PRKCB: variants seen among roughly 807,000 people sequenced by gnomAD.
PRKCB encodes protein kinase C beta, also known as protein kinase C beta type.
A neutral mutation model predicts 81.5 loss-of-function variants in PRKCB; 13 were observed. That is an observed-to-expected ratio of 0.16 (90% confidence interval 0.10 to 0.25). PRKCB has a LOEUF of 0.25. Among genes scored for constraint, PRKCB ranks in the 10% least tolerant of loss-of-function variants. The pLI, the probability that PRKCB is intolerant of heterozygous loss-of-function variation, is 1.00. For missense variants in PRKCB, 509 were observed against 875.7 expected (o/e 0.58, Z 5.29); for synonymous variants, 335 against 321.4 (o/e 1.04, Z -0.45).
chr16:23,933,062 C>T (rs1331945374), intron 2 of PRKCB, among the ~76,000 whole-genome samples: 1 of 152,156 alleles, frequency 6.6e-6, no homozygotes, highest in East Asian at 1.9e-4. Flanking sequence ...ATGGCGATTC[C>T]TTCTTTGTTT....
intron 9 of PRKCB, among the ~76,000 whole-genome samples, chr16:24,153,675 C>T (rs999344694): frequency 3.9e-5 from 6 of 152,102 alleles, no homozygotes; most frequent in Non-Finnish European, 7.4e-5. Flanking sequence ...GGGGGTGACA[C>T]GCAGAAAATA....
chr16:23,865,268 TG>T (rs1417228103), intron 2 of PRKCB, among the ~76,000 whole-genome samples: 55 of 700 alleles, frequency 0.079, 1 homozygote, highest in Non-Finnish European at 0.029. Flanking sequence ...GTTTTGTTTG[TG>T]TGTGTGTGTG....
At chr16:24,155,192 A>G (rs1002670558) in intron 10 of PRKCB, among the ~76,000 whole-genome samples, 3 of 152,200 alleles carry the variant, frequency 2.0e-5, no homozygotes, top group Admixed American at 2.0e-4. Flanking sequence ...GGTTCCATTC[A>G]GCCCTCTAGA....
Position 24,216,683 on chromosome 16 carries a change from C to G in PRKCB, c.*1867C>G. On this transcript the variant is annotated 3_prime_UTR_variant, in exon 17 of 17. Coordinates refer to ENST00000643927, the MANE Select transcript of PRKCB (RefSeq NM_002738.7). ...CTTGCTTCAGGCTTGGGGACCGTCC[C>G]TGCTGTCCCCACTGTGGTGGCAATC... 1.0e-6 allele frequency: 1 copy of G among 985,474 alleles called. No homozygotes were observed. Among genetic ancestry groups the G allele is most frequent in the Non-Finnish European group, 1.2e-6 (1 of 829,954 alleles). The allele number at this position is 985,474 out of a possible 1,614,324, so 61.0% of individuals were successfully genotyped here.
Position 24,218,861 on chromosome 16 carries a change from T to C in PRKCB, c.*4045T>C, listed in dbSNP as rs376874115. On this transcript the variant is annotated 3_prime_UTR_variant, in exon 17 of 17. Coordinates refer to ENST00000643927, the MANE Select transcript of PRKCB (RefSeq NM_002738.7). ...TTGTAATAAAACAGCCATGGGGTTG[T>C]CCCTCCAGTCCGAGAGACTGTGATG... 8.1e-6 allele frequency: 8 copies of C among 985,384 alleles called. No individual in the cohort carries two copies. In the East Asian group the frequency reaches 5.7e-4, roughly 70 times the overall value. 61.0% of individuals were successfully genotyped at this position (985,384 alleles called of 1,614,324 possible). A position where few individuals can be genotyped will look rare whatever the true frequency, so the allele number is the denominator to read the frequency against.
chr16:23,923,700 G>A lies in PRKCB; in HGVS notation c.206-64808G>A, dbSNP rs767919554. The stretch of plus-strand genomic sequence containing the variant: ...ATGCTACCCCCAAAATGGTGTGTTT[G>A]TGCAGCTCTAATAATGACAGGGTTT... On this transcript the variant is annotated intron_variant, in intron 2 of 16. Coordinates refer to ENST00000643927, the MANE Select transcript of PRKCB (RefSeq NM_002738.7). 2.6e-4 allele frequency among the ~76,000 whole-genome samples: 40 copies of A among 152,048 alleles called. 2 individuals are homozygous for A. Among genetic ancestry groups the A allele is most frequent in the Non-Finnish European group, 4.7e-4 (32 of 67,972 alleles).
intron 4 of PRKCB, 76 bp downstream of exon 4, chr16:24,032,323 G>C: frequency 9.6e-7 from 1 of 1,041,946 alleles, no homozygotes. Flanking sequence ...TTGGTTTGGG[G>C]TCCAGGTCTG....
intron 2 of PRKCB, among the ~76,000 whole-genome samples, chr16:23,870,729 T>G (rs980460228): frequency 6.6e-6 from 1 of 152,240 alleles, no homozygotes; most frequent in African/African-American, 2.4e-5. Context: ...GCAAGCTGTT[T>G]CTGACTGTGT....
chr16:24,130,653 C>A (rs1378664209), intron 9 of PRKCB, among the ~76,000 whole-genome samples: 1 of 152,170 alleles, frequency 6.6e-6, no homozygotes, highest in African/African-American at 2.4e-5. Context: ...TGGCCACACC[C>A]ACTCTCTCCA....
intron 16 of PRKCB, among the ~76,000 whole-genome samples, chr16:24,204,410 A>C (rs1178474824): frequency 6.6e-6 from 1 of 152,144 alleles, no homozygotes; most frequent in African/African-American, 2.4e-5. Flanking sequence ...TTGACCCTAT[A>C]TGACCCTGAA....
intron 2 of PRKCB, among the ~76,000 whole-genome samples, chr16:23,905,183 CTG>C (rs1287306221): frequency 5.3e-5 from 8 of 152,080 alleles, no homozygotes; most frequent in African/African-American, 1.2e-4. Context: ...CAGGCTGACT[CTG>C]TGAGCTGAGC....
At chr16:24,175,971 C>CAAA (rs34578906) in intron 12 of PRKCB, among the ~76,000 whole-genome samples, 6 of 49,826 alleles carry the variant, frequency 1.2e-4, no homozygotes, top group African/African-American at 1.5e-4. Flanking sequence ...GACCCTGTCT[C>CAAA]AAAAAAAAAA....
At chr16:24,140,416 A>G (rs388119) in intron 9 of PRKCB, among the ~76,000 whole-genome samples, 48,169 of 151,968 alleles carry the variant, frequency 0.32, 7,870 homozygotes, top group South Asian at 0.46. Context: ...CGATTTCTCA[A>G]GAGGGGAATT....
intron 7 of PRKCB, among the ~76,000 whole-genome samples, chr16:24,102,813 CTTTGACT>C (rs1233422690): frequency 6.6e-6 from 1 of 152,122 alleles, no homozygotes; most frequent in South Asian, 2.1e-4. Flanking sequence ...TTGTGTTTGG[CTTTGACT>C]TTCAGTTGAA....
In PRKCB at chr16:23,920,188, A is replaced by G. The variant is rs367557414; in HGVS notation, c.206-68320A>G. On this transcript the variant is annotated intron_variant, in intron 2 of 16. Transcript: ENST00000643927. ...TCTTTTTCTTTTTTTGATAGTAGCC[A>G]TTTAATGGGTATGAGGTGGTATCTC... Among the ~76,000 whole-genome samples, 7 of 152,294 alleles carry G rather than the reference A, an allele frequency of 4.6e-5. No individual in the cohort carries two copies. In the South Asian group the frequency reaches 6.2e-4, roughly 14 times the overall value.
At chr16:24,046,614 C>G (rs1441737414) in intron 5 of PRKCB, among the ~76,000 whole-genome samples, 1 of 151,912 alleles carries the variant, frequency 6.6e-6, no homozygotes, top group Non-Finnish European at 1.5e-5. Context: ...GCGGCAGAGG[C>G]AGAGGCCAGA....
intron 2 of PRKCB, among the ~76,000 whole-genome samples, chr16:23,919,216 G>A (rs944912465): frequency 1.3e-5 from 2 of 152,158 alleles, no homozygotes; most frequent in Non-Finnish European, 2.9e-5. Flanking sequence ...CAGCAGTAGA[G>A]AAAATTTCTG....
At position 24,141,206 on chromosome 16, in the gene PRKCB, G is replaced by GT. The variant is rs536478873; in HGVS notation, c.1066-13472dup. On this transcript the variant is annotated intron_variant, in intron 9 of 16. Transcript: ENST00000643927. ...TTTTGTTTGTTTGTTTTTATTTTTT[G>GT]TTTTTTGAGACAGAGTCTCCCTCTG... is the stretch of plus-strand genomic sequence containing the variant. Among the ~76,000 whole-genome samples, 800 of 151,946 alleles carry GT rather than the reference G, an allele frequency of 5.3e-3. 5 individuals are homozygous for GT. Among genetic ancestry groups the GT allele is most frequent in the African/African-American group, 0.018 (742 of 41,456 alleles).
At chr16:24,091,029 G>C (rs747381125) in intron 5 of PRKCB, among the ~76,000 whole-genome samples, 2 of 152,130 alleles carry the variant, frequency 1.3e-5, no homozygotes, top group Non-Finnish European at 2.9e-5. Flanking sequence ...TGGATAATAG[G>C]TGCATCTTGG....
Sources: gnomAD v4.1 joint callset for allele counts (sites outside exome capture counted in the v4.1 genomes callset) on GRCh38, gnomAD v4.1.1 for gene constraint, MANE v1.5 for transcripts, NCBI Gene and HGNC (gene_info 2026-07-23, HGNC 2026-07-21) for gene names.